GSG1L2: variants seen among roughly 807,000 people sequenced by gnomAD.
The protein encoded by GSG1L2 is germ cell-specific gene 1-like protein 2.
In GSG1L2, 15 loss-of-function variants were observed where a neutral mutation model predicts 9.0. The ratio of observed to expected loss-of-function variants is 1.67; its 90% CI spans 1.12 to 2.57. The LOEUF (loss-of-function observed/expected upper bound fraction) is 2.57. Among genes scored for constraint, GSG1L2 ranks in the 30% most tolerant of loss-of-function variants. The pLI is 0.00. For missense variants in GSG1L2, 286 were observed against 150.3 expected, an observed-to-expected ratio of 1.90 and a Z score of -4.72; for synonymous variants, 127 against 57.9, an observed-to-expected ratio of 2.19 and a Z score of -5.41.
At chr17:9,816,324 G>A (rs1446466272) in intron 1 of GSG1L2, among the ~76,000 whole-genome samples, 3 of 152,058 alleles carry the variant, frequency 2.0e-5, no homozygotes, top group East Asian at 1.9e-4. Flanking sequence ...AAACCCTTCC[G>A]TGGTGTGATC....
At chr17:9,803,126 CAG>C in intron 4 of GSG1L2, among the ~76,000 whole-genome samples, 1 of 84,392 alleles carries the variant, frequency 1.2e-5, no homozygotes, top group Middle Eastern at 7.8e-3. Flanking sequence ...TTTTTTGAGA[CAG>C]AGTCCCTCTC....
chr17:9,802,790 G>C, intron 4 of GSG1L2, 146 bp from the exon 5 acceptor site: 1 of 610,820 alleles, frequency 1.6e-6, no homozygotes. Flanking sequence ...ACAAATCCCA[G>C]AGTCTAGTCA....
intron 1 of GSG1L2, 67 bp downstream of exon 1, chr17:9,821,695 A>G (rs2066590329): frequency 1.5e-6 from 1 of 675,560 alleles, no homozygotes; most frequent in African/African-American, 1.8e-5. Context: ...AAACCCAGAC[A>G]GCCTGGCTCC....
intron 1 of GSG1L2, among the ~76,000 whole-genome samples, chr17:9,814,248 A>T (rs1340891623): frequency 6.6e-6 from 1 of 152,060 alleles, no homozygotes; most frequent in Non-Finnish European, 1.5e-5. Flanking sequence ...CACTGTTTTG[A>T]GTGTTGAGTT....
At chr17:9,816,008 G>T (rs1267751143) in intron 1 of GSG1L2, among the ~76,000 whole-genome samples, 2 of 152,106 alleles carry the variant, frequency 1.3e-5, no homozygotes, top group African/African-American at 4.8e-5. Context: ...ATGTTAGCAC[G>T]CTCAGCACCC....
chr17:9,819,572 C>T (rs1200830698), intron 1 of GSG1L2, among the ~76,000 whole-genome samples: 1 of 152,130 alleles, frequency 6.6e-6, no homozygotes, highest in Non-Finnish European at 1.5e-5. Context: ...TTCATAGTAG[C>T]TTTTCAAAAT....
chr17:9,804,629 C>T (rs1473284092), intron 4 of GSG1L2: 4 of 152,254 alleles, frequency 2.6e-5, no homozygotes, highest in African/African-American at 7.2e-5. Flanking sequence ...CTCTACAAAC[C>T]GATATTTGTG....
In GSG1L2 at chr17:9,802,502, CG is replaced by C; in HGVS notation, c.765del (p.Glu256ArgfsTer88). The C allele has an allele frequency of 1.4e-6, 1 of 702,570 alleles. No homozygotes were observed. Among genetic ancestry groups the C allele is most frequent in the East Asian group, 2.7e-5 (1 of 37,260 alleles). The allele number at this position is 702,570 out of a possible 1,614,324, so 43.5% of individuals were successfully genotyped here. On this transcript the variant is annotated frameshift_variant, in exon 5 of 5. Transcript: ENST00000399363. LOFTEE classifies it low-confidence loss of function (END_TRUNC). The stretch of plus-strand genomic sequence containing the variant: ...GTTTTCCAAATGCTCTCCGAAGCCT[CG>C]GGTTCCAGGAAGCTGTGTTGAGAGT... ...SRHSQHSFLE[P>X]EASESIWKTG... is the part of the protein sequence containing the mutation.
At chr17:9,818,062 C>T (rs1209632577) in intron 1 of GSG1L2, among the ~76,000 whole-genome samples, 1 of 152,154 alleles carries the variant, frequency 6.6e-6, no homozygotes, top group Non-Finnish European at 1.5e-5. Context: ...CTATAAATAA[C>T]CTCTCCTTCT....
chr17:9,816,886 GTGTGTGTATCTGTGTGTGTGTATC>G (rs2066568829), intron 1 of GSG1L2, among the ~76,000 whole-genome samples: 3 of 144,942 alleles, frequency 2.1e-5, no homozygotes, highest in Admixed American at 1.4e-4. Flanking sequence ...GTGTATCTGT[GTGTGTGTATCTGTGTGTGTGTATC>G]TGTGTGTGTG....
chr17:9,810,497 A>T, intron 2 of GSG1L2, 74 bp downstream of exon 2: 1 of 693,402 alleles, frequency 1.4e-6, no homozygotes, highest in Non-Finnish European at 2.6e-6. Flanking sequence ...CATTTCCCCT[A>T]TTCCCAATAA....
intron 4 of GSG1L2, 145 bp downstream of exon 4, chr17:9,807,345 G>C (rs2066519639): frequency 1.6e-6 from 1 of 621,712 alleles, no homozygotes; most frequent in Non-Finnish European, 2.9e-6. Flanking sequence ...TTGGGCTACA[G>C]ATGGGTCACA....
chr17:9,821,541 A>G (rs2066589655), intron 1 of GSG1L2, among the ~76,000 whole-genome samples: 1 of 152,232 alleles, frequency 6.6e-6, no homozygotes, highest in South Asian at 2.1e-4. Flanking sequence ...TTTACAGATG[A>G]GAAAACTGAG....
chr17:9,803,264 G>A (rs1272731), intron 4 of GSG1L2, among the ~76,000 whole-genome samples: 3 of 151,964 alleles, frequency 2.0e-5, no homozygotes, highest in African/African-American at 4.8e-5. Flanking sequence ...CACCACACCC[G>A]GCTAATTTTT....
chr17:9,810,777 T>C (rs2066536134), intron 1 of GSG1L2, 159 bp from the exon 2 acceptor site: 5 of 623,666 alleles, frequency 8.0e-6, no homozygotes, highest in Admixed American at 7.8e-5. Context: ...GAGCCTGATA[T>C]AATCCACCCT....
chr17:9,822,018 G>C lies in GSG1L2; in HGVS notation c.54C>G (p.Ala18=), dbSNP rs1047311416. ...QALLLLPVCL[A]LTFSLTAVVS... ...CCACGGCGGTGAGGGAGAAGGTGAG[G>C]GCGAGGCAGACAGGGAGGAGGAGCA... The change falls in exon 1 of 5, where the codon GCC becomes GCG. Residue 18 remains alanine, a synonymous_variant. Transcript: ENST00000399363. The C allele has an allele frequency of 1.4e-6, 1 of 702,862 alleles. No homozygotes were observed. Among genetic ancestry groups the C allele is most frequent in the Non-Finnish European group, 2.6e-6 (1 of 385,032 alleles). The allele number at this position is 702,862 out of a possible 1,614,324, so 43.5% of individuals were successfully genotyped here. A position where few individuals can be genotyped will look rare whatever the true frequency, so the allele number is the denominator to read the frequency against.
chr17:9,810,927 T>A (rs572372440), intron 1 of GSG1L2: 2 of 388,886 alleles, frequency 5.1e-6, no homozygotes, highest in South Asian at 8.4e-5. Context: ...GAGGCCCATA[T>A]CAAGAGGAAG....
At chr17:9,806,434 T>C (rs2066516472) in intron 4 of GSG1L2, among the ~76,000 whole-genome samples, 1 of 152,244 alleles carries the variant, frequency 6.6e-6, no homozygotes, top group Non-Finnish European at 1.5e-5. Context: ...TGATAGATTG[T>C]TACGCTTAGT....
chr17:9,821,056 C>T (rs376014782), intron 1 of GSG1L2, among the ~76,000 whole-genome samples: 5 of 152,060 alleles, frequency 3.3e-5, no homozygotes, highest in East Asian at 1.9e-4. Flanking sequence ...TTAGAAACTC[C>T]AGAAAAAGTT....
Sources: gnomAD v4.1 joint callset for allele counts (sites outside exome capture counted in the v4.1 genomes callset) on GRCh38, gnomAD v4.1.1 for gene constraint, MANE v1.5 for transcripts, NCBI Gene and HGNC (gene_info 2026-07-23, HGNC 2026-07-21) for gene names.